The following RPS6KA1 variants were observed in gnomAD, a reference collection of about 807,000 sequenced individuals.
The protein encoded by RPS6KA1 is ribosomal protein S6 kinase A1, also known as ribosomal protein S6 kinase alpha-1.
A neutral mutation model predicts 91.3 loss-of-function variants in RPS6KA1; 48 were observed. The observed-to-expected ratio is 0.53, with a 90% CI of 0.42 to 0.67. The LOEUF (loss-of-function observed/expected upper bound fraction) is 0.67. RPS6KA1 is among the 30% of genes least tolerant of loss of function. The pLI is 0.00. For synonymous variants in RPS6KA1, 359 were observed against 384.7 expected (o/e 0.93, Z 0.78); for missense variants, 719 against 960.5 (o/e 0.75, Z 3.32).
intron 1 of RPS6KA1, among the ~76,000 whole-genome samples, chr1:26,534,225 T>C (rs1223462495): frequency 6.6e-6 from 1 of 152,062 alleles, no homozygotes; most frequent in African/African-American, 2.4e-5. Context: ...ATCTGAAAAA[T>C]AGGAGTAATA....
chr1:26,530,432 A>G (rs938632461), intron 1 of RPS6KA1, among the ~76,000 whole-genome samples: 2 of 152,172 alleles, frequency 1.3e-5, no homozygotes, highest in Non-Finnish European at 2.9e-5. Context: ...TGCTGAGCCT[A>G]GAAGGATTGC....
rs765561852 is a variant in RPS6KA1 at position 26,556,645 on chromosome 1, C to G, written c.917-9C>G. The G allele has an allele frequency of 3.1e-6, 5 of 1,614,140 alleles. No individual in the cohort carries two copies. The South Asian group carries it at 3.3e-5, about 11-fold the overall frequency. ...GCCAGGGACAGACCCTTCATTTGGG[C>G]TCTTTCAGGCTCCGGCCCTGATGGG... On this transcript the variant is annotated splice_polypyrimidine_tract_variant and intron_variant, in intron 11 of 21. Coordinates refer to ENST00000374168, the MANE Select transcript of RPS6KA1 (RefSeq NM_002953.4).
At position 26,554,393 on chromosome 1, in the gene RPS6KA1, A is replaced by T. The variant is rs1271174645; in HGVS notation, c.613+142A>T. ...AAGTGGTCAAAAACTCAGGCCTCAG[A>T]CTTGGAACACCCTCAGCTGGAATCC... is the stretch of plus-strand genomic sequence containing the variant. On this transcript the variant is annotated intron_variant, in intron 8 of 21. Transcript: ENST00000374168. The surrounding 1 kb of genome is among the most constrained non-coding windows in gnomAD (Gnocchi z 4.6). 8.9e-7 allele frequency: 1 copy of T among 1,118,754 alleles called. No individual in the cohort carries two copies. The highest frequency in any genetic ancestry group is 1.6e-5 in the African/African-American group (1 of 63,712). 69.3% of individuals were successfully genotyped at this position (1,118,754 alleles called of 1,614,324 possible). A position where few individuals can be genotyped will look rare whatever the true frequency, so the allele number is the denominator to read the frequency against.
Position 26,551,342 on chromosome 1 carries a change from G to A in RPS6KA1, c.308-55G>A. 6.7e-7 allele frequency: 1 copy of A among 1,486,460 alleles called. No homozygotes were observed. Among genetic ancestry groups the A allele is most frequent in the Non-Finnish European group, 9.4e-7 (1 of 1,065,242 alleles). 92.1% of individuals were successfully genotyped at this position (1,486,460 alleles called of 1,614,324 possible). A position where few individuals can be genotyped will look rare whatever the true frequency, so the allele number is the denominator to read the frequency against. On this transcript the variant is annotated intron_variant, in intron 4 of 21. Coordinates refer to ENST00000374168, the MANE Select transcript of RPS6KA1 (RefSeq NM_002953.4). This position sits in a 1 kb window ranked among gnomAD's most constrained non-coding sequence, Gnocchi z 4.5. ...AAGAGATCCCTTAGCGGGGGCTTGGGAGTGGCTGTGTTGAGTGTCTAGGCT... is the reference window on the plus strand; with the variant it reads ...AAGAGATCCCTTAGCGGGGGCTTGGAAGTGGCTGTGTTGAGTGTCTAGGCT...
At chr1:26,542,879 G>A (rs188453022) in intron 2 of RPS6KA1, among the ~76,000 whole-genome samples, 5 of 152,284 alleles carry the variant, frequency 3.3e-5, no homozygotes, top group African/African-American at 1.2e-4. Flanking sequence ...GTGACACTGC[G>A]TTATCGCCTT....
At chr1:26,549,462 A>T (rs1557498210) in intron 4 of RPS6KA1, among the ~76,000 whole-genome samples, 1 of 151,908 alleles carries the variant, frequency 6.6e-6, no homozygotes, top group Admixed American at 6.6e-5. Flanking sequence ...CCAGCTACTC[A>T]GGAGGCTGAG....
rs1410350365 is a variant in RPS6KA1, at chr1:26,529,993, C to T, written c.63+10C>T. The stretch of plus-strand genomic sequence containing the variant: ...GCCTCTGGACCCGGAGGTGAGTGAG[C>T]GGGGCGGGGGACGGGCGCCCGCGGC... On this transcript the variant is annotated intron_variant, in intron 1 of 21. Transcript: ENST00000374168. This position sits in a 1 kb window ranked among gnomAD's most constrained non-coding sequence, Gnocchi z 4.2. 2 of 1,384,070 alleles carry T rather than the reference C, an allele frequency of 1.4e-6. No individual in the cohort carries two copies. The highest frequency in any genetic ancestry group is 1.9e-6 in the Non-Finnish European group (2 of 1,066,282). The allele number at this position is 1,384,070 out of a possible 1,614,324, so 85.7% of individuals were successfully genotyped here. A position where few individuals can be genotyped will look rare whatever the true frequency, so the allele number is the denominator to read the frequency against.
chr1:26,547,126 A>C lies in RPS6KA1; in HGVS notation c.226-63A>C. On this transcript the variant is annotated intron_variant, in intron 3 of 21. Transcript: ENST00000374168. The surrounding 1 kb of genome is among the most constrained non-coding windows in gnomAD (Gnocchi z 4.1). ...GGTCAGCTTGGGGCTCAGAGAAGAT[A>C]GAGGTCAGCCTGGACTCAGACCTCT... The C allele has an allele frequency of 1.9e-6, 3 of 1,574,960 alleles. No individual in the cohort carries two copies. The highest frequency in any genetic ancestry group is 2.6e-6 in the Non-Finnish European group (3 of 1,145,052).
At chr1:26,560,981 C>A in intron 15 of RPS6KA1, 64 bp from the exon 16 acceptor site, 1 of 1,593,960 alleles carries the variant, frequency 6.3e-7, no homozygotes, top group South Asian at 1.1e-5. Flanking sequence ...TGGCCTGCTC[C>A]ATGGCCAGAA....
chr1:26,555,856 C>G lies in RPS6KA1; in HGVS notation c.916+231C>G, dbSNP rs1047655167. On this transcript the variant is annotated intron_variant, in intron 11 of 21. Transcript: ENST00000374168. This position sits in a 1 kb window ranked among gnomAD's most constrained non-coding sequence, Gnocchi z 4.3. Reference sequence around the variant, plus strand: ...GAGTCATCCCTACTCCCTCTGGGGACAAGGACAGAGGCCCCCACACAGCTT... The same window carrying G: ...GAGTCATCCCTACTCCCTCTGGGGAGAAGGACAGAGGCCCCCACACAGCTT... 3.3e-5 allele frequency among the ~76,000 whole-genome samples: 5 copies of G among 152,114 alleles called. No homozygotes were observed. Among genetic ancestry groups the G allele is most frequent in the Admixed American group, 3.3e-4 (5 of 15,274 alleles).
chr1:26,574,342 A>C lies in RPS6KA1; in HGVS notation c.*141A>C. ...GAAGCTGCCAGCCCAGAACACCCCT[A>C]ATGAGGGTGTGAGAAGTGCCTTCTC... On this transcript the variant is annotated 3_prime_UTR_variant, in exon 22 of 22. Transcript: ENST00000374168. This position sits in a 1 kb window ranked among gnomAD's most constrained non-coding sequence, Gnocchi z 4.3. The C allele has an allele frequency of 9.8e-7, 1 of 1,019,410 alleles. No individual in the cohort carries two copies. 63.1% of individuals were successfully genotyped at this position (1,019,410 alleles called of 1,614,324 possible).
chr1:26,531,110 TC>T, intron 1 of RPS6KA1: 1 of 168,126 alleles, frequency 5.9e-6, no homozygotes, highest in Non-Finnish European at 1.3e-5. Context: ...GCACCCAGGG[TC>T]CCCAGCCCCC....
intron 17 of RPS6KA1, among the ~76,000 whole-genome samples, chr1:26,569,143 A>G (rs1181115237): frequency 1.3e-5 from 2 of 150,856 alleles, no homozygotes; most frequent in African/African-American, 4.9e-5. Context: ...GTGATCCAAG[A>G]TTGTGCTGCT....
At chr1:26,530,739 T>C (rs1234692573) in intron 1 of RPS6KA1, 1 of 1,282,154 alleles carries the variant, frequency 7.8e-7, no homozygotes, top group South Asian at 1.2e-5. Flanking sequence ...GCTCCTTCTC[T>C]CTCAGAAGCA....
chr1:26,533,533 C>T (rs757104576), intron 1 of RPS6KA1, among the ~76,000 whole-genome samples: 69 of 152,244 alleles, frequency 4.5e-4, no homozygotes, highest in Non-Finnish European at 7.8e-4. Flanking sequence ...TGGCGAAACC[C>T]CGCCTCTACT....
Position 26,561,643 on chromosome 1 carries a change from G to A in RPS6KA1, c.1570G>A (p.Glu524Lys), listed in dbSNP as rs2076155317. Residue 524 changes from glutamate (E) to lysine (K), a missense_variant, in exon 17 of 22, where the codon GAG becomes AAG. Physicochemically the swap from Glu to Lys is moderately conservative, Grantham distance 56. This residue lies in a region of RPS6KA1 where 249 missense variants were observed against 323.1 expected (regional missense o/e 0.77). Transcript: ENST00000374168. The surrounding 1 kb of genome is among the most constrained non-coding windows in gnomAD (Gnocchi z 5.7). ...FVLHTIGKTVEYLHSQGVVHR... is the reference protein window; with the variant it reads ...FVLHTIGKTVKYLHSQGVVHR... Reference sequence around the variant, plus strand: ...CCTGCACACCATTGGCAAAACTGTGGAGTATCTGCACTCACAGGGGGTGAG... The same window carrying A: ...CCTGCACACCATTGGCAAAACTGTGAAGTATCTGCACTCACAGGGGGTGAG... 1.2e-6 allele frequency: 2 copies of A among 1,610,480 alleles called. No homozygotes were observed. The highest frequency in any genetic ancestry group is 1.7e-6 in the Non-Finnish European group (2 of 1,177,982).
intron 2 of RPS6KA1, among the ~76,000 whole-genome samples, chr1:26,537,564 C>A (rs929523368): frequency 6.6e-6 from 1 of 152,202 alleles, no homozygotes; most frequent in Admixed American, 6.5e-5. Context: ...TTGCCAGAAG[C>A]ACCAGGACTA....
At chr1:26,541,320 C>T (rs1003506367) in intron 2 of RPS6KA1, among the ~76,000 whole-genome samples, 2 of 150,226 alleles carry the variant, frequency 1.3e-5, no homozygotes, top group Admixed American at 6.6e-5. Flanking sequence ...TTTGGGAGGC[C>T]GAGGCGGGCA....
At chr1:26,568,269 G>A (rs1239838441) in intron 17 of RPS6KA1, among the ~76,000 whole-genome samples, 1 of 152,158 alleles carries the variant, frequency 6.6e-6, no homozygotes, top group Non-Finnish European at 1.5e-5. Flanking sequence ...TGAGATGTGA[G>A]ACTATACTTT....
Sources: allele counts gnomAD v4.1 joint callset (sites outside exome capture counted in the v4.1 genomes callset), GRCh38; gene constraint gnomAD v4.1.1; regional missense constraint gnomAD v4.1.1; non-coding constraint Gnocchi (gnomAD v3.1); transcripts MANE v1.5; gene names NCBI Gene and HGNC (gene_info 2026-07-23, HGNC 2026-07-21).